The following AP3S1 variants were observed in gnomAD, a reference collection of about 807,000 sequenced individuals.
AP3S1 encodes AP-3 complex subunit sigma-1.
Under a neutral mutation model 21.3 loss-of-function variants are expected in AP3S1, and 12 were observed. The ratio of observed to expected loss-of-function variants is 0.56; its 90% CI spans 0.36 to 0.91. The LOEUF (loss-of-function observed/expected upper bound fraction) is 0.91, where lower values mean the gene tolerates loss of function less well. AP3S1 is among the 40% of genes least tolerant of loss of function. AP3S1 has a pLI of 0.01. For synonymous variants in AP3S1, 48 were observed against 78.4 expected (o/e 0.61, Z 2.05); for missense variants, 116 against 225.0 (o/e 0.52, Z 3.10).
chr5:115,894,484 G>A (rs1459093162), intron 3 of AP3S1, among the ~76,000 whole-genome samples: 1 of 152,182 alleles, frequency 6.6e-6, no homozygotes, highest in African/African-American at 2.4e-5. Flanking sequence ...CTCAGGAGCT[G>A]GCCAAGGGCT....
In AP3S1 at chr5:115,853,117, C is replaced by G. The variant is rs1762559633; in HGVS notation, c.69+11011C>G. 7.7e-5 allele frequency: 32 copies of G among 413,956 alleles called. 2 individuals carry two copies. Among genetic ancestry groups the G allele is most frequent in the South Asian group, 5.7e-4 (32 of 56,032 alleles). The allele number at this position is 413,956 out of a possible 1,614,324, so 25.6% of individuals were successfully genotyped here. A position where few individuals can be genotyped will look rare whatever the true frequency, so the allele number is the denominator to read the frequency against. On this transcript the variant is annotated intron_variant, in intron 1 of 5. Coordinates refer to ENST00000316788, the MANE Select transcript of AP3S1 (RefSeq NM_001284.4). ...CAATGTCTGAGGGCTCCAGTTTCTT[C>G]ATATCCTAACCAACTCTTGTTATTG...
intron 2 of AP3S1, among the ~76,000 whole-genome samples, chr5:115,867,064 A>G (rs2112829717): frequency 6.6e-6 from 1 of 152,236 alleles, no homozygotes; most frequent in South Asian, 2.1e-4. Context: ...TAGTCCTTCT[A>G]CCCAATTTCT....
chr5:115,842,562 T>G (rs1209229635), intron 1 of AP3S1: 3 of 158,950 alleles, frequency 1.9e-5, no homozygotes, highest in Non-Finnish European at 4.1e-5. Context: ...CTCCGCCGAC[T>G]CCCATCCTTT....
intron 1 of AP3S1, among the ~76,000 whole-genome samples, chr5:115,860,389 G>A (rs1257861890): frequency 2.0e-5 from 3 of 152,088 alleles, no homozygotes; most frequent in Admixed American, 1.3e-4. Flanking sequence ...ATTTTTTGGT[G>A]GGCCGTTTTT....
chr5:115,884,334 G>A lies in AP3S1; in HGVS notation c.274-10753G>A, dbSNP rs566364477. ...TTTCCTTTACTTTTCAGCTTAAAAA[G>A]TCAGGTGGATCACGAGGTCAGAAGT... On this transcript the variant is annotated intron_variant, in intron 3 of 5. Transcript: ENST00000316788. Among the ~76,000 whole-genome samples the A allele has an allele frequency of 3.9e-5, 6 of 152,210 alleles. No homozygotes were observed. In the South Asian group the frequency reaches 1.2e-3, roughly 32 times the overall value.
At chr5:115,852,063 ATTACTGCTTG>A (rs1421118683) in intron 1 of AP3S1, among the ~76,000 whole-genome samples, 1 of 152,148 alleles carries the variant, frequency 6.6e-6, no homozygotes, top group Admixed American at 6.6e-5. Context: ...GATTACTTTT[ATTACTGCTTG>A]TTACTTTCTA....
At chr5:115,906,265 A>G (rs1751647464) in intron 5 of AP3S1, among the ~76,000 whole-genome samples, 1 of 152,234 alleles carries the variant, frequency 6.6e-6, no homozygotes, top group African/African-American at 2.4e-5. Flanking sequence ...TATCTTAGGA[A>G]CATCATTTAT....
chr5:115,880,423 G>T (rs1186723480), intron 3 of AP3S1, among the ~76,000 whole-genome samples: 4 of 152,176 alleles, frequency 2.6e-5, no homozygotes, highest in Non-Finnish European at 4.4e-5. Context: ...TGGTTTCAAA[G>T]AACTCATTTA....
intron 3 of AP3S1, among the ~76,000 whole-genome samples, chr5:115,888,639 A>G (rs977027929): frequency 1.1e-4 from 17 of 152,106 alleles, no homozygotes; most frequent in African/African-American, 3.4e-4. Context: ...ATTTTTTTAC[A>G]TGTGATATTG....
intron 3 of AP3S1, among the ~76,000 whole-genome samples, chr5:115,873,607 A>T (rs901938201): frequency 5.3e-5 from 8 of 152,144 alleles, no homozygotes; most frequent in Non-Finnish European, 1.0e-4. Flanking sequence ...CTGAAGAGGG[A>T]GTGTACTGAG....
chr5:115,890,631 A>G (rs1446949791), intron 3 of AP3S1, among the ~76,000 whole-genome samples: 1 of 152,220 alleles, frequency 6.6e-6, no homozygotes, highest in African/African-American at 2.4e-5. Context: ...TGTATGTTAC[A>G]CTTAAGTAAA....
intron 3 of AP3S1, among the ~76,000 whole-genome samples, chr5:115,874,098 T>C (rs1287808990): frequency 1.3e-5 from 2 of 152,134 alleles, no homozygotes; most frequent in East Asian, 3.9e-4. Flanking sequence ...TGAATTTACA[T>C]TGGTAGTCCA....
At chr5:115,860,985 C>G (rs1445421468) in intron 1 of AP3S1, among the ~76,000 whole-genome samples, 2 of 152,058 alleles carry the variant, frequency 1.3e-5, no homozygotes, top group Admixed American at 6.6e-5. Context: ...TTTATTTATT[C>G]AATACGCTTT....
At chr5:115,843,872 C>T (rs1164685605) in intron 1 of AP3S1, among the ~76,000 whole-genome samples, 1 of 152,188 alleles carries the variant, frequency 6.6e-6, no homozygotes, top group African/African-American at 2.4e-5. Flanking sequence ...TTTACCATCA[C>T]TTACTAGGTA....
intron 5 of AP3S1, among the ~76,000 whole-genome samples, chr5:115,909,517 G>T (rs566868894): frequency 6.6e-6 from 1 of 152,106 alleles, no homozygotes; most frequent in African/African-American, 2.4e-5. Flanking sequence ...TTTATATACT[G>T]TACTTCATTC....
intron 3 of AP3S1, among the ~76,000 whole-genome samples, chr5:115,881,696 C>G (rs934773251): frequency 6.6e-6 from 1 of 152,068 alleles, no homozygotes; most frequent in South Asian, 2.1e-4. Context: ...TTGCTTTTCT[C>G]GAGGAGTAAC....
At chr5:115,903,032 A>C in intron 5 of AP3S1, 40 bp downstream of exon 5, 1 of 1,123,810 alleles carries the variant, frequency 8.9e-7, no homozygotes, top group African/African-American at 1.7e-5. Context: ...GGTTCTAAGC[A>C]TGATGACAGA....
intron 3 of AP3S1, among the ~76,000 whole-genome samples, chr5:115,891,818 C>G (rs1042437962): frequency 1.3e-5 from 2 of 152,182 alleles, no homozygotes; most frequent in African/African-American, 4.8e-5. Context: ...AGGAGGGAGG[C>G]TGTACCCTGC....
At chr5:115,859,324 C>T (rs1318090137) in intron 1 of AP3S1, among the ~76,000 whole-genome samples, 1 of 152,134 alleles carries the variant, frequency 6.6e-6, no homozygotes, top group East Asian at 1.9e-4. Flanking sequence ...TTCATGTGGG[C>T]CTTTTTTTAT....
Sources: allele counts gnomAD v4.1 joint callset (sites outside exome capture counted in the v4.1 genomes callset), GRCh38; gene constraint gnomAD v4.1.1; transcripts MANE v1.5; gene names NCBI Gene and HGNC (gene_info 2026-07-23, HGNC 2026-07-21).